Variants in WWOX observed in about 807,000 individuals in gnomAD.
The protein encoded by WWOX is WW domain containing oxidoreductase.
In WWOX, 69 loss-of-function variants were observed where a neutral mutation model predicts 46.2. The ratio of observed to expected loss-of-function variants is 1.49; its 90% CI spans 1.23 to 1.82. The LOEUF is 1.82. WWOX is among the 40% of genes most tolerant of loss of function. WWOX has a pLI of 0.00. For missense variants in WWOX, 919 were observed against 542.6 expected (o/e 1.69, Z -6.89); for synonymous variants, 359 against 202.6 (o/e 1.77, Z -6.56).
At chr16:78,105,254 G>A (rs1389905211) in intron 1 of WWOX, among the ~76,000 whole-genome samples, 2 of 152,188 alleles carry the variant, frequency 1.3e-5, no homozygotes, top group African/African-American at 4.8e-5. Context: ...TTGAGGTCAG[G>A]AGTTCGAGAC....
intron 8 of WWOX, among the ~76,000 whole-genome samples, chr16:78,986,439 A>G (rs1208214192): frequency 1.3e-5 from 2 of 152,282 alleles, no homozygotes; most frequent in East Asian, 3.9e-4. Context: ...CTCCAGGCCC[A>G]CAGTATTCTA....
At chr16:78,469,101 C>G (rs1049429190) in intron 8 of WWOX, among the ~76,000 whole-genome samples, 5 of 152,126 alleles carry the variant, frequency 3.3e-5, no homozygotes, top group Non-Finnish European at 5.9e-5. Context: ...TACTCAAATG[C>G]CATTGAGTCA....
chr16:78,583,558 C>T (rs1406715213), intron 8 of WWOX, among the ~76,000 whole-genome samples: 2 of 152,116 alleles, frequency 1.3e-5, no homozygotes, highest in Non-Finnish European at 2.9e-5. Context: ...GGCAGCAATT[C>T]CTTGAGAGGA....
chr16:78,358,036 A>G (rs2081334736), intron 5 of WWOX, among the ~76,000 whole-genome samples: 1 of 152,186 alleles, frequency 6.6e-6, no homozygotes, highest in Admixed American at 6.5e-5. Flanking sequence ...CACATAATGA[A>G]CCATATGCAC....
chr16:78,953,731 G>T (rs2046109512), intron 8 of WWOX, among the ~76,000 whole-genome samples: 1 of 152,124 alleles, frequency 6.6e-6, no homozygotes, highest in Non-Finnish European at 1.5e-5. Context: ...CTCTTTCCTG[G>T]AATGCCTGCT....
chr16:78,624,987 G>A (rs1037781224), intron 8 of WWOX, among the ~76,000 whole-genome samples: 8 of 152,050 alleles, frequency 5.3e-5, no homozygotes, highest in Admixed American at 2.0e-4. Flanking sequence ...TAATGTCCCC[G>A]CTGACCCTGA....
chr16:78,354,593 G>T (rs1272023873), intron 5 of WWOX, among the ~76,000 whole-genome samples: 3 of 151,934 alleles, frequency 2.0e-5, no homozygotes, highest in Non-Finnish European at 1.5e-5. Context: ...ACTTTTAAAG[G>T]CTTTTTATCA....
intron 8 of WWOX, among the ~76,000 whole-genome samples, chr16:78,633,656 A>C (rs1008119358): frequency 6.6e-6 from 1 of 152,172 alleles, no homozygotes. Flanking sequence ...CCGCTTCTCA[A>C]GAAAGCAACT....
At chr16:78,148,224 A>G (rs1474969513) in intron 4 of WWOX, among the ~76,000 whole-genome samples, 1 of 152,226 alleles carries the variant, frequency 6.6e-6, no homozygotes, top group Non-Finnish European at 1.5e-5. Context: ...AAACAACCAG[A>G]AACACTTTGG....
intron 8 of WWOX, among the ~76,000 whole-genome samples, chr16:79,106,937 A>G (rs2049322425): frequency 6.7e-6 from 1 of 150,344 alleles, no homozygotes; most frequent in South Asian, 2.1e-4. Context: ...CCTCTCGAGT[A>G]GCTGGGATTC....
At chr16:78,944,636 G>A (rs936047326) in intron 8 of WWOX, among the ~76,000 whole-genome samples, 14 of 152,124 alleles carry the variant, frequency 9.2e-5, no homozygotes, top group Non-Finnish European at 1.8e-4. Context: ...AATGAATGGC[G>A]GGTCACCCAT....
In WWOX at chr16:78,565,465, C is replaced by G. The variant is rs141158990; in HGVS notation, c.1056+132713C>G. Among the ~76,000 whole-genome samples the G allele has an allele frequency of 1.6e-3, 240 of 152,300 alleles. 3 individuals are homozygous for G. Among genetic ancestry groups the G allele is most frequent in the African/African-American group, 5.5e-3 (230 of 41,578 alleles). ...CCAGCAGTTTAATATCATCACATCT[C>G]CTTTACTGATTCCTCTTCCGTTGTC... On this transcript the variant is annotated intron_variant, in intron 8 of 8. Coordinates refer to ENST00000566780, the MANE Select transcript of WWOX (RefSeq NM_016373.4).
At chr16:78,971,230 G>A (rs146405142) in intron 8 of WWOX, among the ~76,000 whole-genome samples, 3,824 of 152,016 alleles carry the variant, frequency 0.025, 141 homozygotes, top group African/African-American at 0.086. Context: ...AGAGGCTGAG[G>A]CGGGAAGATC....
At chr16:79,008,214 C>A (rs1225171980) in intron 8 of WWOX, among the ~76,000 whole-genome samples, 1 of 152,136 alleles carries the variant, frequency 6.6e-6, no homozygotes, top group Admixed American at 6.5e-5. Flanking sequence ...GGCTCTCAGG[C>A]CCTATCCACA....
chr16:78,927,664 AG>A (rs2045529486), intron 8 of WWOX, among the ~76,000 whole-genome samples: 1 of 152,182 alleles, frequency 6.6e-6, no homozygotes, highest in African/African-American at 2.4e-5. Flanking sequence ...AAGGTAATTA[AG>A]GCATAATTAT....
At chr16:78,431,574 C>T (rs891283382) in intron 7 of WWOX, among the ~76,000 whole-genome samples, 1 of 151,964 alleles carries the variant, frequency 6.6e-6, no homozygotes, top group South Asian at 2.1e-4. Flanking sequence ...TATCTTTGAA[C>T]TTCCTGTTGA....
chr16:79,124,276 C>T (rs2049702904), intron 8 of WWOX, among the ~76,000 whole-genome samples: 1 of 151,994 alleles, frequency 6.6e-6, no homozygotes, highest in Non-Finnish European at 1.5e-5. Context: ...GGCAAATGGT[C>T]TTAAAAGCAT....
At chr16:78,558,615 C>A (rs756064284) in intron 8 of WWOX, among the ~76,000 whole-genome samples, 1 of 152,218 alleles carries the variant, frequency 6.6e-6, no homozygotes, top group Non-Finnish European at 1.5e-5. Context: ...CTGTTATGCT[C>A]ATTCATGAGC....
intron 4 of WWOX, among the ~76,000 whole-genome samples, chr16:78,136,244 G>A (rs2033786489): frequency 6.6e-6 from 1 of 152,168 alleles, no homozygotes; most frequent in Non-Finnish European, 1.5e-5. Flanking sequence ...CTTCTACAAA[G>A]CAAGGGATTT....
Sources: gnomAD v4.1 joint callset for allele counts (sites outside exome capture counted in the v4.1 genomes callset) on GRCh38, gnomAD v4.1.1 for gene constraint, MANE v1.5 for transcripts, NCBI Gene and HGNC (gene_info 2026-07-23, HGNC 2026-07-21) for gene names.